GALNT17: variants seen among roughly 807,000 people sequenced by gnomAD.
GALNT17 encodes the protein UDP-GalNAc:polypeptide N-acetylgalactosaminyltransferase-like 3.
GALNT17 carries 29 observed loss-of-function variants against 63.7 expected under a neutral mutation model. That is an observed-to-expected ratio of 0.46 (90% confidence interval 0.34 to 0.62). The LOEUF (loss-of-function observed/expected upper bound fraction) is 0.62. Among genes scored for constraint, GALNT17 ranks in the 20% least tolerant of loss-of-function variants. GALNT17 has a pLI of 0.01. For synonymous variants in GALNT17, 305 were observed against 318.3 expected (o/e 0.96, Z 0.45); for missense variants, 603 against 799.6 (o/e 0.75, Z 2.97).
intron 1 of GALNT17, among the ~76,000 whole-genome samples, chr7:71,277,437 A>G (rs981130795): frequency 3.9e-5 from 6 of 152,216 alleles, no homozygotes; most frequent in African/African-American, 1.4e-4. Context: ...AAACCTCAGC[A>G]TCACACAGTA....
At chr7:71,529,479 GACATAATTAAATGT>G (rs1788679310) in intron 5 of GALNT17, among the ~76,000 whole-genome samples, 1 of 152,128 alleles carries the variant, frequency 6.6e-6, no homozygotes, top group Non-Finnish European at 1.5e-5. Context: ...TAAACCATGT[GACATAATTAAATGT>G]ACAATAAAAT....
intron 6 of GALNT17, among the ~76,000 whole-genome samples, chr7:71,598,409 G>T (rs925418141): frequency 6.6e-6 from 1 of 152,200 alleles, no homozygotes; most frequent in Admixed American, 6.5e-5. Context: ...GGTCATCAGA[G>T]ATATAGGCAA....
At chr7:71,560,617 C>G (rs2116852326) in intron 5 of GALNT17, among the ~76,000 whole-genome samples, 1 of 152,302 alleles carries the variant, frequency 6.6e-6, no homozygotes, top group South Asian at 2.1e-4. Context: ...CGTGCCAGCA[C>G]CCAGGTTGCA....
chr7:71,317,001 G>A (rs1791512430), intron 1 of GALNT17, among the ~76,000 whole-genome samples: 1 of 152,172 alleles, frequency 6.6e-6, no homozygotes, highest in South Asian at 2.1e-4. Flanking sequence ...GAAGGTGTGT[G>A]TTCACATCCA....
At chr7:71,305,940 CG>C (rs1182713274) in intron 1 of GALNT17, among the ~76,000 whole-genome samples, 2 of 152,164 alleles carry the variant, frequency 1.3e-5, no homozygotes, top group African/African-American at 2.4e-5. Flanking sequence ...CTAATTAGGC[CG>C]GGCATGGTGG....
At chr7:71,288,886 G>T (rs1355378333) in intron 1 of GALNT17, among the ~76,000 whole-genome samples, 2 of 152,102 alleles carry the variant, frequency 1.3e-5, no homozygotes, top group Non-Finnish European at 2.9e-5. Flanking sequence ...ATTTTCTTTA[G>T]GTGATGTATT....
intron 1 of GALNT17, among the ~76,000 whole-genome samples, chr7:71,206,497 G>T (rs1001406623): frequency 6.6e-6 from 1 of 152,050 alleles, no homozygotes; most frequent in Admixed American, 6.6e-5. Flanking sequence ...ATGCTACCCC[G>T]TTGTAATACT....
chr7:71,172,112 A>G (rs1371313842), intron 1 of GALNT17, among the ~76,000 whole-genome samples: 2 of 152,158 alleles, frequency 1.3e-5, no homozygotes, highest in Non-Finnish European at 2.9e-5. Flanking sequence ...GAATATATGA[A>G]GAATATGAGA....
intron 5 of GALNT17, among the ~76,000 whole-genome samples, chr7:71,460,078 T>G (rs539293672): frequency 1.3e-5 from 2 of 152,220 alleles, no homozygotes; most frequent in Non-Finnish European, 2.9e-5. Context: ...CTAAAATATA[T>G]AAAGCCAAGC....
intron 1 of GALNT17, among the ~76,000 whole-genome samples, chr7:71,334,452 G>GGT (rs34233177): frequency 0.082 from 12,372 of 151,430 alleles, 1,101 homozygotes; most frequent in African/African-American, 0.21. Context: ...TGGATAAAGT[G>GGT]GTGTGTGTGT....
At chr7:71,643,073 C>T (rs941604892) in intron 6 of GALNT17, among the ~76,000 whole-genome samples, 2 of 152,078 alleles carry the variant, frequency 1.3e-5, no homozygotes, top group African/African-American at 2.4e-5. Context: ...GGATGGATGG[C>T]GCTTCAAATT....
chr7:71,212,157 C>A (rs1379512645), intron 1 of GALNT17, among the ~76,000 whole-genome samples: 2 of 152,210 alleles, frequency 1.3e-5, no homozygotes, highest in Non-Finnish European at 2.9e-5. Context: ...GCCCAGGGTC[C>A]CTGTGCTGTG....
chr7:71,507,014 C>T (rs954157137), intron 5 of GALNT17, among the ~76,000 whole-genome samples: 6 of 152,196 alleles, frequency 3.9e-5, no homozygotes, highest in Admixed American at 6.5e-5. Flanking sequence ...GTGGGACGAT[C>T]GCTTGAGGCC....
intron 9 of GALNT17, among the ~76,000 whole-genome samples, chr7:71,678,910 T>A (rs1219431669): frequency 6.9e-6 from 1 of 144,450 alleles, no homozygotes; most frequent in Non-Finnish European, 1.5e-5. Context: ...TGAGCTGAGA[T>A]CGTGCCACCG....
At chr7:71,275,789 C>G (rs1790672115) in intron 1 of GALNT17, among the ~76,000 whole-genome samples, 2 of 152,206 alleles carry the variant, frequency 1.3e-5, no homozygotes, top group South Asian at 2.1e-4. Context: ...AAGGCATCAA[C>G]TGCCTGGTTC....
At position 71,132,511 on chromosome 7, in the gene GALNT17, C is replaced by T. The variant is rs1787699533; in HGVS notation, c.-292C>T. On this transcript the variant is annotated 5_prime_UTR_variant, in exon 1 of 11. Transcript: ENST00000333538. ...GTGCAGAAGAGAAACCCTCAAATCC[C>T]TGGCCTTTCGCGGAGACGCCTGGAC... 2.6e-6 allele frequency: 1 copy of T among 389,644 alleles called. No homozygotes were observed. Among genetic ancestry groups the T allele is most frequent in the Non-Finnish European group, 4.6e-6 (1 of 217,380 alleles). 24.1% of individuals were successfully genotyped at this position (389,644 alleles called of 1,614,324 possible). A position where few individuals can be genotyped will look rare whatever the true frequency, so the allele number is the denominator to read the frequency against.
intron 5 of GALNT17, among the ~76,000 whole-genome samples, chr7:71,521,817 C>T (rs984794115): frequency 1.4e-4 from 22 of 152,102 alleles, no homozygotes; most frequent in African/African-American, 2.2e-4. Flanking sequence ...ATGACACATC[C>T]GAAACAGTAA....
At chr7:71,232,048 C>A (rs144965382) in intron 1 of GALNT17, among the ~76,000 whole-genome samples, 2 of 152,240 alleles carry the variant, frequency 1.3e-5, no homozygotes, top group South Asian at 2.1e-4. Flanking sequence ...GAGTTGTATT[C>A]AGAGTCACCA....
chr7:71,532,137 A>G (rs1250996218), intron 5 of GALNT17, among the ~76,000 whole-genome samples: 2 of 152,132 alleles, frequency 1.3e-5, no homozygotes, highest in Non-Finnish European at 2.9e-5. Context: ...CTCTTGAGAG[A>G]TGTAGACTTG....
Sources: gnomAD v4.1 joint callset for allele counts (sites outside exome capture counted in the v4.1 genomes callset) on GRCh38, gnomAD v4.1.1 for gene constraint, MANE v1.5 for transcripts, NCBI Gene and HGNC (gene_info 2026-07-23, HGNC 2026-07-21) for gene names.